Variants in CCDC62 observed in about 807,000 individuals in gnomAD.
CCDC62 encodes coiled-coil domain containing 62.
A neutral mutation model predicts 80.8 loss-of-function variants in CCDC62; 72 were observed. The observed-to-expected ratio is 0.89, with a 90% CI of 0.74 to 1.08. CCDC62 has a LOEUF of 1.08. CCDC62 is among the 50% of genes least tolerant of loss of function. CCDC62 has a pLI of 0.00. For synonymous variants in CCDC62, 286 were observed against 296.5 expected (o/e 0.96, Z 0.36); for missense variants, 704 against 809.4 (o/e 0.87, Z 1.58).
In CCDC62 at chr12:122,781,270, A is replaced by G. The variant is rs1469523287; in HGVS notation, c.336A>G (p.Leu112=). ...AAACAGCTCTCCAAAAGACCCAACT[A>G]CAGCTTCAGGAAATGGCTCAAAAGG... ...ECQTALQKTQ[L]QLQEMAQKAT... Residue 112 remains leucine (L), a synonymous_variant, in exon 3 of 13, where the codon CTA becomes CTG. Transcript: ENST00000253079. 1 of 1,614,112 alleles carries G rather than the reference A, an allele frequency of 6.2e-7. No homozygotes were observed. Among genetic ancestry groups the G allele is most frequent in the South Asian group, 1.1e-5 (1 of 91,086 alleles).
At position 122,788,743 on chromosome 12, in the gene CCDC62, A is replaced by C. The variant is rs2030417711; in HGVS notation, c.499-15A>C. On this transcript the variant is annotated splice_polypyrimidine_tract_variant and intron_variant, in intron 4 of 12. Transcript: ENST00000253079. ...TTAAGAATCTAGGATAACCATTTTC[A>C]AATTTGGTTTTTAGGACAAAGATAT... 6.6e-7 allele frequency: 1 copy of C among 1,505,006 alleles called. No homozygotes were observed. The highest frequency in any genetic ancestry group is 1.4e-5 in the African/African-American group (1 of 71,084). The allele number at this position is 1,505,006 out of a possible 1,614,324, so 93.2% of individuals were successfully genotyped here. A position where few individuals can be genotyped will look rare whatever the true frequency, so the allele number is the denominator to read the frequency against.
At chr12:122,804,062 T>G (rs1233300980) in intron 9 of CCDC62, among the ~76,000 whole-genome samples, 1 of 152,208 alleles carries the variant, frequency 6.6e-6, no homozygotes, top group Non-Finnish European at 1.5e-5. Context: ...TTCCATAGAT[T>G]ATAAGAACTT....
At chr12:122,825,449 C>T (rs1055882562) in intron 12 of CCDC62, among the ~76,000 whole-genome samples, 2 of 148,476 alleles carry the variant, frequency 1.3e-5, no homozygotes, top group Non-Finnish European at 3.0e-5. Context: ...CGGGTTCAAG[C>T]GATTCTCCTG....
chr12:122,823,481 C>A, intron 12 of CCDC62, 22 bp downstream of exon 12: 3 of 1,071,598 alleles, frequency 2.8e-6, no homozygotes, highest in African/African-American at 1.6e-5. Flanking sequence ...TTGCTTATCT[C>A]ACCTTATATC....
chr12:122,795,068 G>A (rs773714407), intron 6 of CCDC62, among the ~76,000 whole-genome samples: 25 of 151,356 alleles, frequency 1.7e-4, no homozygotes, highest in Middle Eastern at 3.2e-3. Flanking sequence ...GTTTTTTTTC[G>A]GAGATGGAGT....
intron 6 of CCDC62, 95 bp from the exon 7 acceptor site, chr12:122,797,212 A>G: frequency 1.5e-6 from 1 of 675,448 alleles, no homozygotes; most frequent in Non-Finnish European, 2.7e-6. Flanking sequence ...AACAACAACA[A>G]CAAAAATGTT....
intron 11 of CCDC62, among the ~76,000 whole-genome samples, chr12:122,820,779 T>G (rs868594963): frequency 1.0e-4 from 15 of 148,732 alleles, no homozygotes; most frequent in Non-Finnish European, 7.4e-5. Flanking sequence ...TGGCGGAGGT[T>G]GCAGTGAGCC....
At chr12:122,817,774 G>A (rs2032228713) in intron 11 of CCDC62, among the ~76,000 whole-genome samples, 1 of 152,174 alleles carries the variant, frequency 6.6e-6, no homozygotes, top group South Asian at 2.1e-4. Flanking sequence ...TCCTGCTAGT[G>A]TAGCTCTGTG....
chr12:122,791,013 G>A (rs2030566726), intron 5 of CCDC62, among the ~76,000 whole-genome samples: 1 of 152,188 alleles, frequency 6.6e-6, no homozygotes, highest in African/African-American at 2.4e-5. Flanking sequence ...AACGGCGGTG[G>A]GGAGATGGGC....
At chr12:122,782,026 A>C (rs1366261117) in intron 3 of CCDC62, among the ~76,000 whole-genome samples, 3 of 106,886 alleles carry the variant, frequency 2.8e-5, no homozygotes, top group South Asian at 2.8e-4. Flanking sequence ...CCTGGGTGAC[A>C]AAAAAAAAAA....
chr12:122,813,491 T>C (rs535139566), intron 11 of CCDC62, 72 bp downstream of exon 11: 1 of 1,419,616 alleles, frequency 7.0e-7, no homozygotes, highest in African/African-American at 1.4e-5. Context: ...TGTGCAAATA[T>C]CACCGGCAGG....
intron 11 of CCDC62, among the ~76,000 whole-genome samples, chr12:122,815,270 G>A (rs968213635): frequency 6.7e-6 from 1 of 149,432 alleles, no homozygotes; most frequent in African/African-American, 2.5e-5. Context: ...GTAGAAACAG[G>A]GTCCCACAAT....
At chr12:122,823,600 C>G (rs575155232) in intron 12 of CCDC62, 141 bp downstream of exon 12, 160 of 503,056 alleles carry the variant, frequency 3.2e-4, no homozygotes, top group Non-Finnish European at 4.8e-4. Context: ...TTTATGCATA[C>G]TTCTAAATTT....
At chr12:122,820,766 A>G (rs1212356685) in intron 11 of CCDC62, among the ~76,000 whole-genome samples, 1 of 149,774 alleles carries the variant, frequency 6.7e-6, no homozygotes, top group African/African-American at 2.5e-5. Context: ...GCTTGAACCC[A>G]GGTGGCGGAG....
intron 11 of CCDC62, among the ~76,000 whole-genome samples, chr12:122,817,921 TCTC>T (rs532494946): frequency 4.1e-4 from 63 of 152,138 alleles, no homozygotes; most frequent in Non-Finnish European, 8.2e-4. Flanking sequence ...TCAGGACCCT[TCTC>T]CACCTTGGCA....
chr12:122,805,531 T>C (rs1341173168), intron 9 of CCDC62, among the ~76,000 whole-genome samples: 2 of 142,202 alleles, frequency 1.4e-5, no homozygotes, highest in African/African-American at 2.6e-5. Context: ...TTTTTTTTTT[T>C]TGAGGCGGAG....
intron 12 of CCDC62, among the ~76,000 whole-genome samples, chr12:122,823,980 C>T (rs1305270013): frequency 1.3e-5 from 2 of 150,550 alleles, no homozygotes; most frequent in East Asian, 2.0e-4. Flanking sequence ...AGCAAGACTC[C>T]GTCTCAAAAA....
At chr12:122,811,821 C>CAAA (rs67025764) in intron 10 of CCDC62, among the ~76,000 whole-genome samples, 392 of 34,696 alleles carry the variant, frequency 0.011, 18 homozygotes, top group African/African-American at 0.013. Context: ...ACTCCATCTG[C>CAAA]AAAAAAAAAA....
intron 11 of CCDC62, among the ~76,000 whole-genome samples, chr12:122,822,325 C>G (rs888845888): frequency 1.3e-5 from 2 of 151,718 alleles, no homozygotes; most frequent in Non-Finnish European, 2.9e-5. Context: ...AGGATGGTCT[C>G]GAGCTCTTGA....
Sources: allele counts gnomAD v4.1 joint callset (sites outside exome capture counted in the v4.1 genomes callset), GRCh38; gene constraint gnomAD v4.1.1; transcripts MANE v1.5; gene names NCBI Gene and HGNC (gene_info 2026-07-23, HGNC 2026-07-21).